The following EMC8 variants were observed in gnomAD, a reference collection of about 807,000 sequenced individuals.
EMC8 encodes the protein ER membrane protein complex subunit 8.
EMC8 carries 11 observed loss-of-function variants against 24.3 expected under a neutral mutation model. The ratio of observed to expected loss-of-function variants is 0.45; its 90% CI spans 0.28 to 0.75. The LOEUF (loss-of-function observed/expected upper bound fraction) is 0.75, where lower values mean the gene tolerates loss of function less well. Among genes scored for constraint, EMC8 ranks in the 30% least tolerant of loss-of-function variants. The pLI, the probability that EMC8 is intolerant of heterozygous loss-of-function variation, is 0.12. For missense variants in EMC8, 277 were observed against 282.7 expected (o/e 0.98, Z 0.14); for synonymous variants, 145 against 117.7 (o/e 1.23, Z -1.50).
chr16:85,795,249 G>A (rs114511139), intron 1 of EMC8, among the ~76,000 whole-genome samples: 344 of 152,312 alleles, frequency 2.3e-3, no homozygotes, highest in African/African-American at 8.0e-3. Flanking sequence ...AGAAGTTTCT[G>A]ACAGGATTTT....
chr16:85,780,697 C>T, intron 3 of EMC8: 1 of 570,984 alleles, frequency 1.8e-6, no homozygotes, highest in Non-Finnish European at 3.1e-6. Flanking sequence ...AAAAGCGAAG[C>T]TTCCAAACAT....
At chr16:85,783,235 G>A (rs918138732) in intron 2 of EMC8, among the ~76,000 whole-genome samples, 17 of 152,190 alleles carry the variant, frequency 1.1e-4, no homozygotes, top group Admixed American at 5.2e-4. Context: ...CCCGGGAGGC[G>A]GGGGTGGCAG....
intron 1 of EMC8, among the ~76,000 whole-genome samples, chr16:85,790,620 G>A (rs917250081): frequency 6.6e-6 from 1 of 152,182 alleles, no homozygotes; most frequent in Non-Finnish European, 1.5e-5. Flanking sequence ...CTGATGAGCT[G>A]ATCCTTGAGC....
chr16:85,788,916 G>A (rs549257737), intron 2 of EMC8, 58 bp downstream of exon 2: 111 of 1,219,106 alleles, frequency 9.1e-5, no homozygotes, highest in East Asian at 2.3e-4. Context: ...CACGAGAGAC[G>A]GGGTCTGCCC....
At chr16:85,789,138 T>G in intron 1 of EMC8, 88 bp from the exon 2 acceptor site, 1 of 860,552 alleles carries the variant, frequency 1.2e-6, no homozygotes, top group Non-Finnish European at 2.0e-6. Context: ...TGCCACATGC[T>G]GGGACAAGAC....
At chr16:85,796,499 G>T in intron 1 of EMC8, among the ~76,000 whole-genome samples, 1 of 152,178 alleles carries the variant, frequency 6.6e-6, no homozygotes, top group East Asian at 1.9e-4. Flanking sequence ...CGAAGGCACT[G>T]ATCTGATCAC....
At chr16:85,789,200 T>C in intron 1 of EMC8, 150 bp from the exon 2 acceptor site, 1 of 639,024 alleles carries the variant, frequency 1.6e-6, no homozygotes. Flanking sequence ...AGGGTAGGAC[T>C]CAGGAAAAAA....
chr16:85,780,429 G>A lies in EMC8; in HGVS notation c.423C>T (p.Ile141=). The A allele has an allele frequency of 1.9e-6, 3 of 1,614,204 alleles. No individual in the cohort carries two copies. The highest frequency in any genetic ancestry group is 2.2e-5 in the East Asian group (1 of 44,880). The part of the protein sequence containing the change: ...KFTMDCVAPT[I]HVYEHHENRW... ...TGTTCTCATGGTGCTCGTACACGTG[G>A]ATCGTAGGCGCTACGCAGTCCATCG... Residue 141 remains isoleucine (I), a synonymous_variant, in exon 4 of 5, where the codon ATC becomes ATT. Transcript: ENST00000253457.
intron 2 of EMC8, among the ~76,000 whole-genome samples, chr16:85,783,549 C>T (rs760488998): frequency 1.9e-4 from 29 of 152,332 alleles, no homozygotes; most frequent in Non-Finnish European, 3.8e-4. Flanking sequence ...GTGCTCACAG[C>T]CCCACAGACT....
chr16:85,779,897 C>G lies in EMC8; in HGVS notation c.474-30G>C, dbSNP rs201622406. On this transcript the variant is annotated intron_variant, in intron 4 of 4. Coordinates refer to ENST00000253457, the MANE Select transcript of EMC8 (RefSeq NM_006067.5). Reference sequence around the variant, plus strand: ...GGGTCAAACATGAAGAAGTCAGCATCTAACAGTGAAAACGGGCGGCTTGTA... The same window carrying G: ...GGGTCAAACATGAAGAAGTCAGCATGTAACAGTGAAAACGGGCGGCTTGTA... 3.8e-5 allele frequency: 61 copies of G among 1,610,498 alleles called. No homozygotes were observed. The East Asian group carries it at 1.2e-3, about 32-fold the overall frequency.
At chr16:85,797,281 G>A (rs920268133) in intron 1 of EMC8, among the ~76,000 whole-genome samples, 3 of 152,270 alleles carry the variant, frequency 2.0e-5, no homozygotes, top group Middle Eastern at 3.4e-3. Context: ...GGTGGTGGAC[G>A]CCTGAAATCC....
chr16:85,781,283 G>A lies in EMC8; in HGVS notation c.309-3C>T. The A allele has an allele frequency of 1.4e-6, 2 of 1,463,818 alleles. No individual in the cohort carries two copies. Among genetic ancestry groups the A allele is most frequent in the Non-Finnish European group, 1.8e-6 (2 of 1,110,620 alleles). The allele number at this position is 1,463,818 out of a possible 1,614,324, so 90.7% of individuals were successfully genotyped here. Reference sequence around the variant, plus strand: ...CCTTCTCTGCAACCTGGTTTGGACTGTCAAAGAAATAGGCTACCACATTCC... The same window carrying A: ...CCTTCTCTGCAACCTGGTTTGGACTATCAAAGAAATAGGCTACCACATTCC... On this transcript the variant is annotated splice_region_variant and splice_polypyrimidine_tract_variant and intron_variant, in intron 2 of 4. Coordinates refer to ENST00000253457, the MANE Select transcript of EMC8 (RefSeq NM_006067.5).
At chr16:85,797,149 T>C (rs901284646) in intron 1 of EMC8, among the ~76,000 whole-genome samples, 2 of 152,236 alleles carry the variant, frequency 1.3e-5, no homozygotes, top group Non-Finnish European at 2.9e-5. Flanking sequence ...GGCTCATGCC[T>C]GGAATCCCAG....
At position 85,791,913 on chromosome 16, in the gene EMC8, G is replaced by C. The variant is rs75261483; in HGVS notation, c.232-2863C>G. ...TTAATCACATCTACAAATCCCTTTT[G>C]CTACATAAGGCCTGGGGATTAGGAT... On this transcript the variant is annotated intron_variant, in intron 1 of 4. Transcript: ENST00000253457. 4.0e-3 allele frequency among the ~76,000 whole-genome samples: 609 copies of C among 152,280 alleles called. 2 individuals carry two copies. The highest frequency in any genetic ancestry group is 0.014 in the African/African-American group (582 of 41,540).
rs2152072280 is a variant in EMC8, at chr16:85,781,292, A to ATAGT, written c.309-13_309-12insACTA. 8.2e-7 allele frequency: 1 copy of ATAGT among 1,215,532 alleles called. No homozygotes were observed. Among genetic ancestry groups the ATAGT allele is most frequent in the Non-Finnish European group, 1.1e-6 (1 of 907,596 alleles). The allele number at this position is 1,215,532 out of a possible 1,614,324, so 75.3% of individuals were successfully genotyped here. ...CAACCTGGTTTGGACTGTCAAAGAA[A>ATAGT]TAGGCTACCACATTCCAGTTAATGC... On this transcript the variant is annotated splice_polypyrimidine_tract_variant and intron_variant, in intron 2 of 4. Coordinates refer to ENST00000253457, the MANE Select transcript of EMC8 (RefSeq NM_006067.5).
chr16:85,780,549 CT>C, intron 3 of EMC8, 76 bp from the exon 4 acceptor site: 2 of 1,051,684 alleles, frequency 1.9e-6, no homozygotes, highest in South Asian at 2.7e-5. Flanking sequence ...CCTCGGGGCT[CT>C]CCCTGCAGCC....
intron 2 of EMC8, 47 bp from the exon 3 acceptor site, chr16:85,781,327 C>T (rs2152072301): frequency 8.0e-7 from 1 of 1,255,388 alleles, no homozygotes; most frequent in Middle Eastern, 1.9e-4. Context: ...CCATTCAACA[C>T]TGTTTACAAA....
At chr16:85,781,533 C>G in intron 2 of EMC8, 1 of 395,142 alleles carries the variant, frequency 2.5e-6, no homozygotes. Flanking sequence ...TAGGCTCAAG[C>G]AATCCCACCT....
chr16:85,799,033 C>T lies in EMC8; in HGVS notation c.231+32G>A. ...GCTGACTGAGGGGAGGCCAGGCTGCCTGCAAGGGGAAGGGGCCCTTTCCGC... is the reference window on the plus strand; with the variant it reads ...GCTGACTGAGGGGAGGCCAGGCTGCTTGCAAGGGGAAGGGGCCCTTTCCGC... On this transcript the variant is annotated intron_variant, in intron 1 of 4. Coordinates refer to ENST00000253457, the MANE Select transcript of EMC8 (RefSeq NM_006067.5). The surrounding 1 kb of genome is among the most constrained non-coding windows in gnomAD (Gnocchi z 4.2). 1 of 1,437,282 alleles carries T rather than the reference C, an allele frequency of 7.0e-7. No individual in the cohort carries two copies. The highest frequency in any genetic ancestry group is 9.5e-7 in the Non-Finnish European group (1 of 1,053,484). The allele number at this position is 1,437,282 out of a possible 1,614,324, so 89.0% of individuals were successfully genotyped here. A position where few individuals can be genotyped will look rare whatever the true frequency, so the allele number is the denominator to read the frequency against.
Sources: allele counts gnomAD v4.1 joint callset (sites outside exome capture counted in the v4.1 genomes callset), GRCh38; gene constraint gnomAD v4.1.1; non-coding constraint Gnocchi (gnomAD v3.1); transcripts MANE v1.5; gene names NCBI Gene and HGNC (gene_info 2026-07-23, HGNC 2026-07-21).